ANK1: variants seen among roughly 807,000 people sequenced by gnomAD.
ANK1 encodes the protein ankyrin-1.
A neutral mutation model predicts 210.4 loss-of-function variants in ANK1; 51 were observed. The ratio of observed to expected loss-of-function variants is 0.24; its 90% CI spans 0.19 to 0.31. The LOEUF is 0.31. Among genes scored for constraint, ANK1 ranks in the 10% least tolerant of loss-of-function variants. The pLI, the probability that ANK1 is intolerant of heterozygous loss-of-function variation, is 1.00. For missense variants in ANK1, 2,051 were observed against 2,504.4 expected (o/e 0.82, Z 3.86); for synonymous variants, 967 against 1,025.9 (o/e 0.94, Z 1.10).
At chr8:41,678,504 A>G (rs1814932691) in intron 37 of ANK1, among the ~76,000 whole-genome samples, 2 of 152,238 alleles carry the variant, frequency 1.3e-5, no homozygotes, top group Non-Finnish European at 1.5e-5. Flanking sequence ...TTCACATATT[A>G]GGTCACTTGA....
chr8:41,672,536 A>G lies in ANK1; in HGVS notation c.4914T>C (p.Leu1638=), dbSNP rs1395550180. The G allele has an allele frequency of 6.2e-7, 1 of 1,614,202 alleles. No homozygotes were observed. Among genetic ancestry groups the G allele is most frequent in the Admixed American group, 1.7e-5 (1 of 60,028 alleles). ...CTGACCTCTGACCTTCCTCCTGTTC[A>G]AGCAAATCGATAAGGCCATTTGTGG... ...SDATNGLIDL[L]EQEEGQRSEE... is the part of the protein sequence containing the mutation. Residue 1638 remains leucine, a synonymous_variant, in exon 38 of 43, where the codon CTT becomes CTC. Transcript: ENST00000289734.
At position 41,713,023 on chromosome 8, in the gene ANK1, C is replaced by A. The variant is rs1826589745; in HGVS notation, c.1800+1133G>T. ...CGGCGTCTGTAGAAGAGCGATGCTG[C>A]AAGATGGGGACACGTGTCTGTCCAG... On this transcript the variant is annotated intron_variant, in intron 16 of 42. Coordinates refer to ENST00000289734, the MANE Select transcript of ANK1 (RefSeq NM_000037.4). 2.0e-5 allele frequency among the ~76,000 whole-genome samples: 3 copies of A among 152,166 alleles called. No individual in the cohort carries two copies. The South Asian group carries it at 6.2e-4, about 31-fold the overall frequency.
At chr8:41,823,622 G>T (rs989832091) in intron 1 of ANK1, among the ~76,000 whole-genome samples, 7 of 151,592 alleles carry the variant, frequency 4.6e-5, no homozygotes, top group African/African-American at 1.7e-4. Flanking sequence ...AAATTAGCCG[G>T]GCATGGTGGC....
At chr8:41,708,586 C>G (rs1160688531) in intron 17 of ANK1, among the ~76,000 whole-genome samples, 192 bp downstream of exon 17, 1 of 152,164 alleles carries the variant, frequency 6.6e-6, no homozygotes, top group Admixed American at 6.5e-5. Context: ...ATCCTGCCAC[C>G]TTGGGAATAA....
chr8:41,695,886 G>A (rs909490493), intron 26 of ANK1, among the ~76,000 whole-genome samples: 47 of 152,254 alleles, frequency 3.1e-4, no homozygotes, highest in African/African-American at 1.1e-3. Flanking sequence ...GCTGCTTCAA[G>A]GGAGTGGAGC....
At chr8:41,832,161 G>T (rs1383870405) in intron 1 of ANK1, among the ~76,000 whole-genome samples, 1 of 152,182 alleles carries the variant, frequency 6.6e-6, no homozygotes, top group Non-Finnish European at 1.5e-5. Flanking sequence ...GAATTTTACT[G>T]CATGTGAATT....
chr8:41,698,800 A>AT (rs1404107333), intron 23 of ANK1, among the ~76,000 whole-genome samples: 3 of 137,352 alleles, frequency 2.2e-5, no homozygotes, highest in African/African-American at 8.1e-5. Flanking sequence ...CTTCCTCAAC[A>AT]ATTTTTTTTT....
At chr8:41,669,256 A>G (rs1457091786) in intron 38 of ANK1, among the ~76,000 whole-genome samples, 1 of 151,522 alleles carries the variant, frequency 6.6e-6, no homozygotes, top group Non-Finnish European at 1.5e-5. Flanking sequence ...CTCCTCCTAG[A>G]CCTACAGCTG....
chr8:41,745,612 T>C (rs575583877), intron 2 of ANK1, among the ~76,000 whole-genome samples: 1 of 152,222 alleles, frequency 6.6e-6, no homozygotes, highest in East Asian at 1.9e-4. Context: ...GGGGTCTAAG[T>C]AGGGGACAGG....
At chr8:41,713,303 T>C (rs574833650) in intron 16 of ANK1, among the ~76,000 whole-genome samples, 65 of 152,298 alleles carry the variant, frequency 4.3e-4, no homozygotes, top group African/African-American at 1.5e-3. Flanking sequence ...TCCTCTCCCC[T>C]TCTCCCCGCT....
At chr8:41,671,991 A>C (rs544631410) in intron 38 of ANK1, among the ~76,000 whole-genome samples, 199 of 119,092 alleles carry the variant, frequency 1.7e-3, no homozygotes, top group Middle Eastern at 7.2e-3. Context: ...CACTCCAGGC[A>C]CCCTAATGTC....
At chr8:41,732,231 G>T (rs939258998) in intron 3 of ANK1, among the ~76,000 whole-genome samples, 17 of 152,026 alleles carry the variant, frequency 1.1e-4, no homozygotes, top group African/African-American at 3.9e-4. Flanking sequence ...TTGCTGCATG[G>T]AACTGAAATT....
chr8:41,881,166 C>G (rs1240810926), intron 1 of ANK1, among the ~76,000 whole-genome samples: 1 of 152,210 alleles, frequency 6.6e-6, no homozygotes, highest in Non-Finnish European at 1.5e-5. Flanking sequence ...TTCACAAGGT[C>G]CCTTCCAAGA....
At chr8:41,693,293 G>A in intron 29 of ANK1, 92 bp from the exon 30 acceptor site, 1 of 1,179,366 alleles carries the variant, frequency 8.5e-7, no homozygotes, top group Non-Finnish European at 1.3e-6. Context: ...TGCAAGGTGA[G>A]ACTGGGTGAA....
chr8:41,719,587 C>T lies in ANK1; in HGVS notation c.1107+74G>A, dbSNP rs1393957395. The T allele has an allele frequency of 8.8e-6, 14 of 1,596,906 alleles. No individual in the cohort carries two copies. The Admixed American group carries it at 2.2e-4, about 25-fold the overall frequency. Reference sequence around the variant, plus strand: ...GCACCTGCCGCCCTTCCCACAGGCCCAGCCATGCCTCTCTGCTCCTGCCCC... The same window carrying T: ...GCACCTGCCGCCCTTCCCACAGGCCTAGCCATGCCTCTCTGCTCCTGCCCC... On this transcript the variant is annotated intron_variant, in intron 10 of 42. Coordinates refer to ENST00000289734, the MANE Select transcript of ANK1 (RefSeq NM_000037.4).
intron 1 of ANK1, among the ~76,000 whole-genome samples, chr8:41,767,400 A>T (rs1432306698): frequency 6.6e-6 from 1 of 150,796 alleles, no homozygotes; most frequent in Admixed American, 6.6e-5. Flanking sequence ...CCCGCGCTGA[A>T]ATCCGAGCCC....
chr8:41,716,616 G>C (rs2150636998), intron 13 of ANK1, among the ~76,000 whole-genome samples: 1 of 152,326 alleles, frequency 6.6e-6, no homozygotes. Flanking sequence ...TTTAGATCAA[G>C]TAATTCTTGC....
intron 1 of ANK1, among the ~76,000 whole-genome samples, chr8:41,810,073 C>T (rs1802260118): frequency 6.6e-6 from 1 of 152,130 alleles, no homozygotes; most frequent in Non-Finnish European, 1.5e-5. Context: ...CTTCAGGTTC[C>T]CCTAAATTCC....
chr8:41,818,868 G>A (rs74541644), intron 1 of ANK1, among the ~76,000 whole-genome samples: 2,215 of 152,238 alleles, frequency 0.015, 44 homozygotes, highest in African/African-American at 0.046. Context: ...TGTGCACAGC[G>A]GGGCTTGCCT....
Sources: gnomAD v4.1 joint callset for allele counts (sites outside exome capture counted in the v4.1 genomes callset) on GRCh38, gnomAD v4.1.1 for gene constraint, MANE v1.5 for transcripts, NCBI Gene and HGNC (gene_info 2026-07-23, HGNC 2026-07-21) for gene names.